ATAD2: variants seen among roughly 807,000 people sequenced by gnomAD.
ATAD2 encodes ATPase family AAA domain containing 2.
A neutral mutation model predicts 168.9 loss-of-function variants in ATAD2; 62 were observed. That is an observed-to-expected ratio of 0.37 (90% confidence interval 0.30 to 0.45). The LOEUF (loss-of-function observed/expected upper bound fraction) is 0.45, where lower values mean the gene tolerates loss of function less well. ATAD2 is among the 20% of genes least tolerant of loss of function. ATAD2 has a pLI of 1.00. For synonymous variants in ATAD2, 613 were observed against 571.6 expected (o/e 1.07, Z -1.03); for missense variants, 1,419 against 1,667.8 (o/e 0.85, Z 2.60).
intron 13 of ATAD2, among the ~76,000 whole-genome samples, chr8:123,351,094 A>C (rs1456048091): frequency 6.6e-6 from 1 of 152,062 alleles, no homozygotes; most frequent in Non-Finnish European, 1.5e-5. Context: ...ATTTCACAGG[A>C]AGATACCACG....
chr8:123,324,866 A>G (rs547249709), intron 26 of ATAD2, among the ~76,000 whole-genome samples: 1 of 152,220 alleles, frequency 6.6e-6, no homozygotes, highest in South Asian at 2.1e-4. Context: ...AGCTGTCAGA[A>G]TCACTTAGCT....
chr8:123,362,225 C>G (rs1045529102), intron 8 of ATAD2, among the ~76,000 whole-genome samples: 1 of 149,462 alleles, frequency 6.7e-6, no homozygotes, highest in Non-Finnish European at 1.5e-5. Flanking sequence ...CCTGGGAGGA[C>G]GAGGCTGTAG....
chr8:123,377,405 C>A (rs976580236), intron 2 of ATAD2, among the ~76,000 whole-genome samples: 3 of 152,086 alleles, frequency 2.0e-5, no homozygotes, highest in Non-Finnish European at 4.4e-5. Flanking sequence ...TAAGACCTTT[C>A]TAACATAAAG....
At position 123,402,979 on chromosome 8, in the gene ATAD2, C is replaced by T. The variant is rs943139476; in HGVS notation, c.-2281-1804G>A. Among the ~76,000 whole-genome samples the T allele has an allele frequency of 8.5e-5, 13 of 152,076 alleles. No individual in the cohort carries two copies. The highest frequency in any genetic ancestry group is 2.7e-4 in the African/African-American group (11 of 41,404). ...TTCTTATCCACAGAGTGATTTGTGT[C>T]GCGCTGTTCTGGAATGTGACGAGGA... is the stretch of plus-strand genomic sequence containing the variant. On this transcript the variant is annotated intron_variant, in intron 1 of 28. Coordinates refer to the ATAD2 transcript ENST00000521903. This position sits in a 1 kb window ranked among gnomAD's most constrained non-coding sequence, Gnocchi z 4.8.
At chr8:123,351,748 G>GTTT (rs987980082) in intron 13 of ATAD2, among the ~76,000 whole-genome samples, 6 of 134,668 alleles carry the variant, frequency 4.5e-5, no homozygotes, top group Non-Finnish European at 8.1e-5. Flanking sequence ...AAAAACTGAT[G>GTTT]TTTTTTTTTT....
At chr8:123,343,841 G>C (rs1381447077) in intron 19 of ATAD2, among the ~76,000 whole-genome samples, 1 of 152,198 alleles carries the variant, frequency 6.6e-6, no homozygotes, top group Non-Finnish European at 1.5e-5. Context: ...GAGAAACTCT[G>C]ATCAAAGAAG....
At chr8:123,388,151 T>C (rs1346574750) in intron 1 of ATAD2, among the ~76,000 whole-genome samples, 3 of 152,176 alleles carry the variant, frequency 2.0e-5, no homozygotes, top group South Asian at 2.1e-4. Flanking sequence ...CTACATCCAA[T>C]AGCCTTTTCT....
chr8:123,381,221 G>A (rs993310838), intron 1 of ATAD2, among the ~76,000 whole-genome samples: 1 of 152,166 alleles, frequency 6.6e-6, no homozygotes, highest in African/African-American at 2.4e-5. Context: ...TTAGGGCCCG[G>A]GCATGGTGGC....
rs762538619 is a variant in ATAD2, at chr8:123,370,028, C to T, written c.728-4G>A. ...TCTTCACCCTCTTCAGATGACTCTA[C>T]AATTAAGAGATCCTTACTTCCAGAA... On this transcript the variant is annotated splice_region_variant and splice_polypyrimidine_tract_variant and intron_variant, in intron 6 of 27. Coordinates refer to ENST00000287394, the MANE Select transcript of ATAD2 (RefSeq NM_014109.4). 1 of 1,598,174 alleles carries T rather than the reference C, an allele frequency of 6.3e-7. No individual in the cohort carries two copies. The highest frequency in any genetic ancestry group is 1.1e-5 in the South Asian group (1 of 90,490).
chr8:123,348,749 G>A (rs948201687), intron 14 of ATAD2, among the ~76,000 whole-genome samples: 1 of 152,154 alleles, frequency 6.6e-6, no homozygotes, highest in Non-Finnish European at 1.5e-5. Context: ...GTACTTTTAA[G>A]AGTTTAATGA....
At chr8:123,401,713 C>A (rs1563871480) in intron 1 of ATAD2, 7 of 748,802 alleles carry the variant, frequency 9.3e-6, no homozygotes, top group Non-Finnish European at 1.2e-5. Flanking sequence ...TTGGTGCCTC[C>A]ATAGTGATGA....
intron 11 of ATAD2, 130 bp from the exon 12 acceptor site, chr8:123,357,866 C>A (rs1441700396): frequency 1.1e-6 from 1 of 884,420 alleles, no homozygotes; most frequent in Non-Finnish European, 1.6e-6. Context: ...AATTATGGTA[C>A]AGTTTCGCAC....
upstream of ATAD2, among the ~76,000 whole-genome samples, chr8:123,399,186 T>C (rs1247847154): frequency 2.0e-5 from 3 of 149,132 alleles, no homozygotes; most frequent in Non-Finnish European, 4.4e-5. Context: ...TGCTTGAACC[T>C]GGGAGGCAGA....
chr8:123,384,682 G>A (rs1156228646), intron 1 of ATAD2, among the ~76,000 whole-genome samples: 2 of 152,206 alleles, frequency 1.3e-5, no homozygotes, highest in Admixed American at 6.5e-5. Context: ...TACATCCACA[G>A]ACACATGAAC....
chr8:123,347,637 T>G (rs1828294703), intron 15 of ATAD2, among the ~76,000 whole-genome samples: 1 of 152,094 alleles, frequency 6.6e-6, no homozygotes, highest in African/African-American at 2.4e-5. Context: ...AAGCACTAAG[T>G]ATAGCACAGA....
rs1248146064 is a variant in ATAD2 at position 123,349,318 on chromosome 8, A to C, written c.1773T>G (p.Asp591Glu). 1 of 1,613,862 alleles carries C rather than the reference A, an allele frequency of 6.2e-7. No individual in the cohort carries two copies. Among genetic ancestry groups the C allele is most frequent in the Non-Finnish European group, 8.5e-7 (1 of 1,179,994 alleles). ...CAGGCAGGCTAAAGAGGAATTCTCTATCAAAGCGACCAGGCCTTCGTAAAG... is the reference window on the plus strand; with the variant it reads ...CAGGCAGGCTAAAGAGGAATTCTCTCTCAAAGCGACCAGGCCTTCGTAAAG... The part of the protein sequence containing the change: ...DPALRRPGRF[D>E]REFLFSLPDK... The change falls in exon 14 of 28, where the codon GAT (aspartate) becomes GAG (glutamate). Residue 591 changes from aspartate (D) to glutamate (E), a missense_variant. Transcript: ENST00000287394.
intron 15 of ATAD2, 119 bp downstream of exon 15, chr8:123,348,064 G>T: frequency 1.3e-6 from 1 of 785,696 alleles, no homozygotes; most frequent in Non-Finnish European, 2.1e-6. Context: ...AGAAACTGTG[G>T]TTTTTGCCAT....
chr8:123,359,808 A>C, intron 9 of ATAD2, 123 bp from the exon 10 acceptor site: 1 of 656,928 alleles, frequency 1.5e-6, no homozygotes, highest in Non-Finnish European at 2.5e-6. Flanking sequence ...GAGCAATCTT[A>C]AGATATGTAT....
intron 25 of ATAD2, 86 bp from the exon 26 acceptor site, chr8:123,326,112 G>C (rs1040730078): frequency 1.4e-6 from 2 of 1,401,184 alleles, no homozygotes; most frequent in Admixed American, 4.1e-5. Context: ...AGATTAAACA[G>C]GGCATGTTTA....
Sources: allele counts gnomAD v4.1 joint callset (sites outside exome capture counted in the v4.1 genomes callset), GRCh38; gene constraint gnomAD v4.1.1; non-coding constraint Gnocchi (gnomAD v3.1); transcripts MANE v1.5; gene names NCBI Gene and HGNC (gene_info 2026-07-23, HGNC 2026-07-21).